The following SPOCK3 variants were observed in gnomAD, a reference collection of about 807,000 sequenced individuals.
SPOCK3 encodes testican-3.
Under a neutral mutation model 56.6 loss-of-function variants are expected in SPOCK3, and 30 were observed. That is an observed-to-expected ratio of 0.53 (90% CI 0.40 to 0.72). The LOEUF (loss-of-function observed/expected upper bound fraction) is 0.72. Among genes scored for constraint, SPOCK3 ranks in the 30% least tolerant of loss-of-function variants. The pLI is 0.00. For missense variants in SPOCK3, 527 were observed against 530.0 expected (o/e 0.99, Z 0.06); for synonymous variants, 196 against 183.3 (o/e 1.07, Z -0.56).
chr4:167,020,920 C>G (rs138130676), intron 3 of SPOCK3, among the ~76,000 whole-genome samples: 178 of 152,140 alleles, frequency 1.2e-3, no homozygotes, highest in African/African-American at 4.1e-3. Flanking sequence ...TAAGATGCAT[C>G]AGTTTCTTAG....
rs150918868 is a variant in SPOCK3, at chr4:167,048,497, A to G, written c.235+13995T>C. 1.1e-3 allele frequency among the ~76,000 whole-genome samples: 173 copies of G among 152,286 alleles called. 1 individual carries two copies. Among genetic ancestry groups the G allele is most frequent in the Non-Finnish European group, 1.8e-3 (124 of 68,008 alleles). ...AAAACTAGAAGATCCTGACAACTGTATAAAACTGAACATACCTGGAAACTT... is the reference window on the plus strand; with the variant it reads ...AAAACTAGAAGATCCTGACAACTGTGTAAAACTGAACATACCTGGAAACTT... On this transcript the variant is annotated intron_variant, in intron 3 of 10. Transcript: ENST00000357545.
intron 3 of SPOCK3, among the ~76,000 whole-genome samples, chr4:167,033,650 C>A (rs1752478112): frequency 6.6e-6 from 1 of 151,984 alleles, no homozygotes; most frequent in Non-Finnish European, 1.5e-5. Context: ...ATTCTCAACA[C>A]AACACTATAG....
intron 2 of SPOCK3, among the ~76,000 whole-genome samples, chr4:167,213,759 TC>T (rs569129691): frequency 0.011 from 1,628 of 152,234 alleles, 26 homozygotes; most frequent in African/African-American, 0.031. Flanking sequence ...GATGATGAAA[TC>T]CTAAAAGATG....
At position 166,778,724 on chromosome 4, in the gene SPOCK3, C is replaced by CTT. The variant is rs11462697; in HGVS notation, c.709+13444_709+13445dup. 1.9e-3 allele frequency among the ~76,000 whole-genome samples: 276 copies of CTT among 148,342 alleles called. 1 individual carries two copies. The highest frequency in any genetic ancestry group is 6.1e-3 in the African/African-American group (247 of 40,518). On this transcript the variant is annotated intron_variant, in intron 7 of 10. Transcript: ENST00000357545. ...TGCAGATAAATAATTGAATTCTAGA[C>CTT]TTTTTTTTTTTCTAAAGCAGGAAGG... is the stretch of plus-strand genomic sequence containing the variant.
At chr4:166,924,656 A>G (rs1167220747) in intron 4 of SPOCK3, among the ~76,000 whole-genome samples, 1 of 152,232 alleles carries the variant, frequency 6.6e-6, no homozygotes, top group Non-Finnish European at 1.5e-5. Context: ...AAGATGACTA[A>G]TGACTTATCA....
At chr4:167,214,914 T>C (rs1375254083) in intron 2 of SPOCK3, among the ~76,000 whole-genome samples, 1 of 151,888 alleles carries the variant, frequency 6.6e-6, no homozygotes, top group Non-Finnish European at 1.5e-5. Flanking sequence ...AGTTGGCTGC[T>C]TGGAAGAGCA....
intron 3 of SPOCK3, among the ~76,000 whole-genome samples, chr4:167,001,848 G>C (rs958550302): frequency 5.9e-5 from 9 of 152,150 alleles, no homozygotes; most frequent in Non-Finnish European, 1.3e-4. Flanking sequence ...ATAAAATGTG[G>C]ATTTGAGATA....
At chr4:167,079,426 C>G (rs1580225331) in intron 2 of SPOCK3, among the ~76,000 whole-genome samples, 1 of 151,828 alleles carries the variant, frequency 6.6e-6, no homozygotes, top group South Asian at 2.1e-4. Context: ...TTCCTCTTGA[C>G]AAGAAATACT....
intron 1 of SPOCK3, 118 bp downstream of exon 1, chr4:167,234,332 C>T (rs1168541270): frequency 2.4e-5 from 17 of 699,006 alleles, no homozygotes; most frequent in Non-Finnish European, 1.4e-5. Flanking sequence ...GCAGGCTTTA[C>T]CCCCAAAAGC....
In SPOCK3 at chr4:167,226,789, C is replaced by T. The variant is rs996272112; in HGVS notation, c.189+7196G>A. ...TAGGAAATGGCCATTAATAGAGAAG[C>T]TTGCTTGAGGGAGTAACCCTGAAAG... On this transcript the variant is annotated intron_variant, in intron 2 of 10. Transcript: ENST00000357545. Among the ~76,000 whole-genome samples, 68 of 151,996 alleles carry T rather than the reference C, an allele frequency of 4.5e-4. 2 individuals carry two copies. Among genetic ancestry groups the T allele is most frequent in the Non-Finnish European group, 2.9e-5 (2 of 68,022 alleles).
chr4:167,012,136 TA>T (rs961564919), intron 3 of SPOCK3, among the ~76,000 whole-genome samples: 5 of 151,892 alleles, frequency 3.3e-5, no homozygotes, highest in Non-Finnish European at 7.4e-5. Flanking sequence ...TTTTAATAAT[TA>T]AAAATGAAAA....
At chr4:166,985,044 G>T (rs1746997531) in intron 4 of SPOCK3, among the ~76,000 whole-genome samples, 1 of 152,058 alleles carries the variant, frequency 6.6e-6, no homozygotes, top group African/African-American at 2.4e-5. Flanking sequence ...AGATACTTTA[G>T]CTTCCAGAAG....
chr4:167,179,821 C>A (rs1466654778), intron 2 of SPOCK3, among the ~76,000 whole-genome samples: 1 of 152,148 alleles, frequency 6.6e-6, no homozygotes, highest in Non-Finnish European at 1.5e-5. Flanking sequence ...AAGAAGAAAT[C>A]TTTCACCTTA....
At chr4:167,153,038 C>A (rs1764545507) in intron 2 of SPOCK3, among the ~76,000 whole-genome samples, 1 of 152,192 alleles carries the variant, frequency 6.6e-6, no homozygotes, top group Admixed American at 6.5e-5. Flanking sequence ...CTATGCTAAG[C>A]TCTTTAAAGG....
At chr4:166,768,038 C>G (rs1383494895) in intron 7 of SPOCK3, among the ~76,000 whole-genome samples, 1 of 148,126 alleles carries the variant, frequency 6.8e-6, no homozygotes, top group Non-Finnish European at 1.5e-5. Context: ...TTACATTTGT[C>G]TGGTAGATCT....
intron 2 of SPOCK3, among the ~76,000 whole-genome samples, chr4:167,108,331 T>C (rs1480185528): frequency 2.0e-5 from 3 of 151,850 alleles, no homozygotes; most frequent in Non-Finnish European, 2.9e-5. Flanking sequence ...AGGAAATCAG[T>C]ATATAGAAGA....
chr4:167,099,298 G>A (rs1267616080), intron 2 of SPOCK3, among the ~76,000 whole-genome samples: 1 of 151,320 alleles, frequency 6.6e-6, no homozygotes, highest in African/African-American at 2.4e-5. Context: ...TTAAAATATT[G>A]GAATTAAATA....
chr4:166,976,500 C>A (rs1745961707), intron 4 of SPOCK3, among the ~76,000 whole-genome samples: 1 of 152,046 alleles, frequency 6.6e-6, no homozygotes, highest in African/African-American at 2.4e-5. Flanking sequence ...TTGACTTCAA[C>A]CTTAGTCCTT....
In SPOCK3 at chr4:167,038,921, A is replaced by G. The variant is rs181091508; in HGVS notation, c.235+23571T>C. ...ATTATATAAATTTAAAAATTATTTTAATAAGATTAATTGTATTCATTTCCT... is the reference window on the plus strand; with the variant it reads ...ATTATATAAATTTAAAAATTATTTTGATAAGATTAATTGTATTCATTTCCT... On this transcript the variant is annotated intron_variant, in intron 3 of 10. Transcript: ENST00000357545. 1.9e-3 allele frequency among the ~76,000 whole-genome samples: 286 copies of G among 152,282 alleles called. 1 individual carries two copies. Among genetic ancestry groups the G allele is most frequent in the African/African-American group, 6.4e-3 (264 of 41,566 alleles).
Sources: gnomAD v4.1 joint callset for allele counts (sites outside exome capture counted in the v4.1 genomes callset) on GRCh38, gnomAD v4.1.1 for gene constraint, MANE v1.5 for transcripts, NCBI Gene and HGNC (gene_info 2026-07-23, HGNC 2026-07-21) for gene names.